Variants in OVCH2 observed in about 807,000 individuals in gnomAD.
OVCH2 encodes the protein ovochymase-2.
OVCH2 carries 88 observed loss-of-function variants against 73.7 expected under a neutral mutation model. The observed-to-expected ratio is 1.19, with a 90% confidence interval of 1.01 to 1.43. The LOEUF (loss-of-function observed/expected upper bound fraction) is 1.43. Ranked by LOEUF, OVCH2 falls within the 40% of genes most tolerant of loss-of-function variation. OVCH2 has a pLI of 0.00. For missense variants in OVCH2, 706 were observed against 674.5 expected (o/e 1.05, Z -0.52); for synonymous variants, 265 against 234.5 (o/e 1.13, Z -1.19).
chr11:7,695,212 A>C, intron 11 of OVCH2, 24 bp from the exon 12 acceptor site: 2 of 1,542,232 alleles, frequency 1.3e-6, no homozygotes, highest in Non-Finnish European at 1.7e-6. Context: ...AAAAGTCCAA[A>C]CAGATGGCAC....
the OVCH2 span, among the ~76,000 whole-genome samples, chr11:7,682,336 T>A: frequency 6.6e-6 from 1 of 152,226 alleles, no homozygotes; most frequent in Non-Finnish European, 1.5e-5. Context: ...AGCAAATGCA[T>A]AAATAACACT....
At chr11:7,682,083 G>A in the OVCH2 span, among the ~76,000 whole-genome samples, 1 of 152,142 alleles carries the variant, frequency 6.6e-6, no homozygotes, top group Non-Finnish European at 1.5e-5. Context: ...TCCATTCTGA[G>A]CGTTATTCTA....
intron 1 of OVCH2, among the ~76,000 whole-genome samples, chr11:7,705,811 A>G (rs965896877): frequency 1.3e-5 from 2 of 152,216 alleles, no homozygotes; most frequent in Non-Finnish European, 2.9e-5. Context: ...GTTGATTCTC[A>G]GGGTTGGCAC....
Sources: gnomAD v4.1 joint callset for allele counts (sites outside exome capture counted in the v4.1 genomes callset) on GRCh38, gnomAD v4.1.1 for gene constraint, MANE v1.5 for transcripts, NCBI Gene and HGNC (gene_info 2026-07-23, HGNC 2026-07-21) for gene names.